Variants in PLEKHA8 observed in about 807,000 individuals in gnomAD.
PLEKHA8 encodes the protein pleckstrin homology domain-containing family A member 8.
In PLEKHA8, 36 loss-of-function variants were observed where a neutral mutation model predicts 68.2. The ratio of observed to expected loss-of-function variants is 0.53; its 90% CI spans 0.40 to 0.70. PLEKHA8 has a LOEUF of 0.70. Ranked by LOEUF, PLEKHA8 falls within the 30% of genes least tolerant of loss-of-function variation. The pLI, the probability that PLEKHA8 is intolerant of heterozygous loss-of-function variation, is 0.00. For missense variants in PLEKHA8, 505 were observed against 615.4 expected, an observed-to-expected ratio of 0.82 and a Z score of 1.90; for synonymous variants, 211 against 216.1, an observed-to-expected ratio of 0.98 and a Z score of 0.20.
At chr7:30,033,538 GA>G (rs2127958265) in intron 1 of PLEKHA8, among the ~76,000 whole-genome samples, 1 of 152,254 alleles carries the variant, frequency 6.6e-6, no homozygotes, top group Non-Finnish European at 1.5e-5. Flanking sequence ...TTCAGTTGAA[GA>G]ACATTTGGAT....
intron 13 of PLEKHA8, among the ~76,000 whole-genome samples, chr7:30,109,717 G>A (rs528840856): frequency 6.8e-6 from 1 of 147,986 alleles, no homozygotes; most frequent in South Asian, 2.1e-4. Flanking sequence ...TGTCACCCAG[G>A]CTGGAGTGCA....
chr7:30,061,291 G>A lies in PLEKHA8; in HGVS notation c.1098+349G>A, dbSNP rs146908854. Among the ~76,000 whole-genome samples, 60 of 152,278 alleles carry A rather than the reference G, an allele frequency of 3.9e-4. 1 individual carries two copies. Among genetic ancestry groups the A allele is most frequent in the African/African-American group, 1.3e-3 (54 of 41,542 alleles). ...ATAAGTTATATTTTTCTAAAAGATA[G>A]GTTATATAGTGAAAATAGCTGTCAG... On this transcript the variant is annotated intron_variant, in intron 10 of 13. Coordinates refer to ENST00000449726, the MANE Select transcript of PLEKHA8 (RefSeq NM_001197026.2).
intron 13 of PLEKHA8, among the ~76,000 whole-genome samples, chr7:30,074,563 G>A (rs558076019): frequency 6.6e-6 from 1 of 152,248 alleles, no homozygotes; most frequent in South Asian, 2.1e-4. Context: ...AGGAAGCAGT[G>A]ATCCTAAATA....
chr7:30,028,944 C>T, intron 1 of PLEKHA8, 142 bp downstream of exon 1: 2 of 991,570 alleles, frequency 2.0e-6, no homozygotes, highest in Non-Finnish European at 2.6e-6. Flanking sequence ...TTTCCCAAAG[C>T]AGTTCTCTCA....
At position 30,046,362 on chromosome 7, in the gene PLEKHA8, A is replaced by G; in HGVS notation, c.310A>G (p.Lys104Glu). Residue 104 changes from lysine (K) to glutamate (E), a missense_variant, in exon 3 of 14, where the codon AAA becomes GAA. Lys to Glu is a moderately conservative substitution (Grantham distance 56). Transcript: ENST00000449726. Reference protein sequence around the residue: ...CLTDSRTQKEKEFAENTENLK... With the variant: ...CLTDSRTQKEEEFAENTENLK... Reference sequence around the variant, plus strand: ...GACTGACAGTAGGACCCAGAAGGAGAAAGGCAAGTACTGATTGTCCTTTGC... The same window carrying G: ...GACTGACAGTAGGACCCAGAAGGAGGAAGGCAAGTACTGATTGTCCTTTGC... 6.2e-7 allele frequency: 1 copy of G among 1,604,420 alleles called. No homozygotes were observed. The highest frequency in any genetic ancestry group is 1.7e-4 in the Middle Eastern group (1 of 6,000).
At position 30,082,483 on chromosome 7, in the gene PLEKHA8, TC is replaced by T; in HGVS notation, c.*3699del. The T allele has an allele frequency of 3.0e-6, 3 of 985,276 alleles. No homozygotes were observed. Among genetic ancestry groups the T allele is most frequent in the Non-Finnish European group, 3.6e-6 (3 of 829,930 alleles). 61.0% of individuals were successfully genotyped at this position (985,276 alleles called of 1,614,324 possible). A position where few individuals can be genotyped will look rare whatever the true frequency, so the allele number is the denominator to read the frequency against. ...GAGCTTCTTAAGAAGGAGCCCATAT[TC>T]CCATTTGTAGCTGGAAAGCGGGTGA... On this transcript the variant is annotated 3_prime_UTR_variant, in exon 14 of 14. Transcript: ENST00000449726.
At chr7:30,089,307 G>A (rs1377183353), downstream of PLEKHA8, among the ~76,000 whole-genome samples, 8 of 152,094 alleles carry the variant, frequency 5.3e-5, no homozygotes, top group East Asian at 1.5e-3. Flanking sequence ...TGCTGTTCTG[G>A]CCACCCCAGC....
chr7:30,093,274 CTG>C (rs1795485710), downstream of PLEKHA8, among the ~76,000 whole-genome samples: 1 of 152,222 alleles, frequency 6.6e-6, no homozygotes, highest in Admixed American at 6.5e-5. Context: ...CTACCAACCA[CTG>C]TGTGAAAAAC....
chr7:30,099,318 G>C (rs968048284), intron 13 of PLEKHA8, among the ~76,000 whole-genome samples: 27 of 152,138 alleles, frequency 1.8e-4, no homozygotes, highest in Non-Finnish European at 2.9e-5. Flanking sequence ...AAATACATCA[G>C]AAACACTCTG....
At chr7:30,038,943 A>G (rs1791314711) in intron 1 of PLEKHA8, among the ~76,000 whole-genome samples, 1 of 152,060 alleles carries the variant, frequency 6.6e-6, no homozygotes, top group Admixed American at 6.5e-5. Flanking sequence ...GTGTAAAATT[A>G]ACATGAGGTA....
chr7:30,041,660 G>C (rs540672683), intron 1 of PLEKHA8, among the ~76,000 whole-genome samples: 1 of 152,076 alleles, frequency 6.6e-6, no homozygotes, highest in Non-Finnish European at 1.5e-5. Flanking sequence ...CTCCTAAAGT[G>C]CTGGGATTAC....
chr7:30,127,820 T>A (rs779239176), intron 13 of PLEKHA8, among the ~76,000 whole-genome samples: 13 of 152,250 alleles, frequency 8.5e-5, no homozygotes, highest in Non-Finnish European at 1.9e-4. Flanking sequence ...TATTTTTACA[T>A]TCATTTCAGC....
chr7:30,063,721 A>G (rs1006762119), intron 12 of PLEKHA8, among the ~76,000 whole-genome samples: 2 of 152,164 alleles, frequency 1.3e-5, no homozygotes, highest in African/African-American at 4.8e-5. Context: ...TTTCTATAGC[A>G]CTTTGTGAAC....
Position 30,080,676 on chromosome 7 carries a change from G to A in PLEKHA8, c.*1889G>A, listed in dbSNP as rs758617068. ...TTAAAGCTAGGGAGAAAGAAGGGGG[G>A]TATTAAAATGATGTTGATTATTTTG... On this transcript the variant is annotated 3_prime_UTR_variant, in exon 14 of 14. Coordinates refer to ENST00000449726, the MANE Select transcript of PLEKHA8 (RefSeq NM_001197026.2). The A allele has an allele frequency of 3.5e-4, 309 of 880,796 alleles. 1 individual carries two copies. The highest frequency in any genetic ancestry group is 5.9e-4 in the Middle Eastern group (1 of 1,704). 54.6% of individuals were successfully genotyped at this position (880,796 alleles called of 1,614,324 possible).
At chr7:30,044,751 G>A (rs1332545693) in intron 1 of PLEKHA8, among the ~76,000 whole-genome samples, 1 of 152,090 alleles carries the variant, frequency 6.6e-6, no homozygotes. Flanking sequence ...ACAGACTACT[G>A]GTACTGTATT....
intron 13 of PLEKHA8, among the ~76,000 whole-genome samples, chr7:30,105,194 A>G (rs55941131): frequency 0.18 from 26,922 of 151,238 alleles, 2,501 homozygotes; most frequent in African/African-American, 0.24. Flanking sequence ...TCAGGGGCCG[A>G]GTGTGGTGGC....
In PLEKHA8 at chr7:30,084,269, G is replaced by C; in HGVS notation, c.*5482G>C. 2 of 985,362 alleles carry C rather than the reference G, an allele frequency of 2.0e-6. No individual in the cohort carries two copies. The highest frequency in any genetic ancestry group is 2.4e-6 in the Non-Finnish European group (2 of 829,876). 61.0% of individuals were successfully genotyped at this position (985,362 alleles called of 1,614,324 possible). ...TTAATTCCATGCCTAGTATTCTTATGAATGTTTGTGGTTTCATAGATTTAT... is the reference window on the plus strand; with the variant it reads ...TTAATTCCATGCCTAGTATTCTTATCAATGTTTGTGGTTTCATAGATTTAT... On this transcript the variant is annotated 3_prime_UTR_variant, in exon 14 of 14. Transcript: ENST00000449726.
intron 9 of PLEKHA8, among the ~76,000 whole-genome samples, chr7:30,058,388 T>C (rs373613598): frequency 6.6e-6 from 1 of 152,004 alleles, no homozygotes; most frequent in Non-Finnish European, 1.5e-5. Flanking sequence ...TGTTTTCTTC[T>C]AGACTCTTCT....
intron 2 of PLEKHA8, 32 bp downstream of exon 2, chr7:30,045,233 T>C (rs1226476572): frequency 1.3e-6 from 2 of 1,520,018 alleles, no homozygotes; most frequent in East Asian, 4.5e-5. Flanking sequence ...AAGTTTTATT[T>C]TTCTTTCTGT....
Sources: allele counts gnomAD v4.1 joint callset (sites outside exome capture counted in the v4.1 genomes callset), GRCh38; gene constraint gnomAD v4.1.1; transcripts MANE v1.5; gene names NCBI Gene and HGNC (gene_info 2026-07-23, HGNC 2026-07-21).